The following IFT80 variants were observed in gnomAD, a reference collection of about 807,000 sequenced individuals.
IFT80 encodes intraflagellar transport 80.
Under a neutral mutation model 107.9 loss-of-function variants are expected in IFT80, and 79 were observed. The ratio of observed to expected loss-of-function variants is 0.73; its 90% CI spans 0.61 to 0.88. The LOEUF (loss-of-function observed/expected upper bound fraction) is 0.88, where lower values mean the gene tolerates loss of function less well. Among genes scored for constraint, IFT80 ranks in the 40% least tolerant of loss-of-function variants. The probability of loss-of-function intolerance (pLI) is 0.00; values close to 1 mark genes in which losing one functional copy is unlikely to be tolerated. For missense variants in IFT80, 797 were observed against 914.2 expected, an observed-to-expected ratio of 0.87 and a Z score of 1.65; for synonymous variants, 299 against 300.9, an observed-to-expected ratio of 0.99 and a Z score of 0.07.
At chr3:160,358,643 C>T (rs959044789) in intron 6 of IFT80, among the ~76,000 whole-genome samples, 5 of 152,090 alleles carry the variant, frequency 3.3e-5, no homozygotes, top group African/African-American at 7.2e-5. Context: ...CATGAGCCAC[C>T]GTGCCCAGCC....
rs773280647 is a variant in IFT80, at chr3:160,366,033, T to A, written c.549+10A>T. 11 of 1,602,492 alleles carry A rather than the reference T, an allele frequency of 6.9e-6. No homozygotes were observed. Among genetic ancestry groups the A allele is most frequent in the Non-Finnish European group, 9.4e-6 (11 of 1,169,922 alleles). On this transcript the variant is annotated intron_variant, in intron 6 of 19. Coordinates refer to ENST00000326448, the MANE Select transcript of IFT80 (RefSeq NM_020800.3). ...ACCCTGATAACAATTTACAAATGAC[T>A]GAGAAGTACCTGCAAAACTTTAGCA...
At chr3:160,258,720 T>C (rs1355619810) in intron 19 of IFT80, 85 bp from the exon 20 acceptor site, 37 of 1,472,236 alleles carry the variant, frequency 2.5e-5, no homozygotes, top group Non-Finnish European at 3.1e-5. Context: ...AGTAAACAGA[T>C]AGACTGTGTG....
intron 18 of IFT80, among the ~76,000 whole-genome samples, chr3:160,276,331 T>C (rs975123876): frequency 6.6e-6 from 1 of 152,214 alleles, no homozygotes; most frequent in Non-Finnish European, 1.5e-5. Flanking sequence ...ATGTCAATCA[T>C]AAAATTAACC....
At chr3:160,266,111 C>T (rs113376307) in intron 19 of IFT80, among the ~76,000 whole-genome samples, 1 of 150,928 alleles carries the variant, frequency 6.6e-6, no homozygotes, top group Non-Finnish European at 1.5e-5. Context: ...AAGTAGGAAA[C>T]GAGAACATAG....
chr3:160,314,556 T>C (rs1357979251), intron 9 of IFT80, among the ~76,000 whole-genome samples: 1 of 151,922 alleles, frequency 6.6e-6, no homozygotes, highest in Non-Finnish European at 1.5e-5. Context: ...GATTTAACAA[T>C]CATGACTCAA....
At chr3:160,342,208 A>G (rs1719952741) in intron 8 of IFT80, among the ~76,000 whole-genome samples, 1 of 152,228 alleles carries the variant, frequency 6.6e-6, no homozygotes. Flanking sequence ...TATTTTGTAG[A>G]TGAGAAATGT....
chr3:160,282,015 C>A (rs534553118), intron 14 of IFT80, among the ~76,000 whole-genome samples: 1 of 152,208 alleles, frequency 6.6e-6, no homozygotes, highest in African/African-American at 2.4e-5. Context: ...CAGTGGCTTA[C>A]GCCTGTAATC....
At chr3:160,300,439 CCTTT>C (rs1214028714) in intron 12 of IFT80, among the ~76,000 whole-genome samples, 1 of 151,930 alleles carries the variant, frequency 6.6e-6, no homozygotes, top group Non-Finnish European at 1.5e-5. Context: ...GTTATTCATA[CCTTT>C]CTTTCAATTA....
At chr3:160,396,489 A>C (rs1559979788) in intron 1 of IFT80, among the ~76,000 whole-genome samples, 1 of 152,210 alleles carries the variant, frequency 6.6e-6, no homozygotes, top group Non-Finnish European at 1.5e-5. Context: ...TAAAATGATG[A>C]AAAAACCTTG....
chr3:160,394,872 T>C (rs1213588247), intron 1 of IFT80, among the ~76,000 whole-genome samples: 1 of 152,200 alleles, frequency 6.6e-6, no homozygotes, highest in African/African-American at 2.4e-5. Flanking sequence ...CAATTCCTTT[T>C]GTGAAAAGAA....
intron 4 of IFT80, among the ~76,000 whole-genome samples, chr3:160,376,523 G>C (rs1352860450): frequency 1.3e-5 from 2 of 152,190 alleles, no homozygotes; most frequent in Non-Finnish European, 2.9e-5. Flanking sequence ...CACAGTATAG[G>C]TATGGTGGTT....
At chr3:160,367,781 T>C (rs1056763952) in intron 5 of IFT80, among the ~76,000 whole-genome samples, 1 of 152,072 alleles carries the variant, frequency 6.6e-6, no homozygotes, top group African/African-American at 2.4e-5. Context: ...TTACCTTAAT[T>C]ACTTTCTAGA....
chr3:160,386,629 T>C (rs1712956134), intron 1 of IFT80, among the ~76,000 whole-genome samples: 1 of 152,152 alleles, frequency 6.6e-6, no homozygotes, highest in East Asian at 1.9e-4. Context: ...ACCACTAAAA[T>C]ACACAGCAAA....
At chr3:160,308,552 T>C (rs1210542855) in intron 9 of IFT80, among the ~76,000 whole-genome samples, 2 of 152,124 alleles carry the variant, frequency 1.3e-5, no homozygotes, top group East Asian at 3.8e-4. Flanking sequence ...AATGGCAGTA[T>C]AGTTAAGAGG....
At chr3:160,263,869 G>A (rs1292943330) in intron 19 of IFT80, among the ~76,000 whole-genome samples, 5 of 152,000 alleles carry the variant, frequency 3.3e-5, no homozygotes, top group Non-Finnish European at 7.4e-5. Flanking sequence ...TAGAGACGGG[G>A]TTTCACTGTG....
chr3:160,277,524 T>TAATA, intron 17 of IFT80, 46 bp from the exon 18 acceptor site: 1 of 1,576,036 alleles, frequency 6.3e-7, no homozygotes, highest in South Asian at 1.1e-5. Context: ...AACAGAAATA[T>TAATA]AATAAATTAC....
chr3:160,379,050 A>C (rs1417307676), intron 3 of IFT80, among the ~76,000 whole-genome samples: 2 of 152,222 alleles, frequency 1.3e-5, no homozygotes, highest in African/African-American at 4.8e-5. Flanking sequence ...TACAGAGATT[A>C]ACTTAATGAA....
At chr3:160,285,267 T>G (rs1193210839) in intron 13 of IFT80, among the ~76,000 whole-genome samples, 1 of 152,172 alleles carries the variant, frequency 6.6e-6, no homozygotes, top group Non-Finnish European at 1.5e-5. Context: ...AAACTAAAAG[T>G]GTCTTTAGAC....
chr3:160,279,139 A>AAGGTAAACTACT, intron 16 of IFT80, 54 bp downstream of exon 16: 1 of 1,437,368 alleles, frequency 7.0e-7, no homozygotes, highest in Non-Finnish European at 9.6e-7. Context: ...ATTTTGCACA[A>AAGGTAAACTACT]AGGTAAACTA....
Sources: allele counts gnomAD v4.1 joint callset (sites outside exome capture counted in the v4.1 genomes callset), GRCh38; gene constraint gnomAD v4.1.1; transcripts MANE v1.5; gene names NCBI Gene and HGNC (gene_info 2026-07-23, HGNC 2026-07-21).